The following ZNF608 variants were observed in gnomAD, a reference collection of about 807,000 sequenced individuals.
ZNF608 encodes the protein renal carcinoma antigen NY-REN-36.
In ZNF608, 12 loss-of-function variants were observed where a neutral mutation model predicts 109.0. That is an observed-to-expected ratio of 0.11 (90% CI 0.07 to 0.18). ZNF608 has a LOEUF of 0.18. Ranked by LOEUF, ZNF608 falls within the 10% of genes least tolerant of loss-of-function variation. ZNF608 has a pLI of 1.00. For missense variants in ZNF608, 1,707 were observed against 1,879.3 expected, an observed-to-expected ratio of 0.91 and a Z score of 1.70; for synonymous variants, 732 against 717.4, an observed-to-expected ratio of 1.02 and a Z score of -0.33.
At chr5:124,651,844 C>A (rs1296510862) in intron 3 of ZNF608, among the ~76,000 whole-genome samples, 1 of 152,232 alleles carries the variant, frequency 6.6e-6, no homozygotes, top group Non-Finnish European at 1.5e-5. Context: ...GGCAAAGGGA[C>A]GCATCCCCCA....
intron 3 of ZNF608, among the ~76,000 whole-genome samples, chr5:124,695,872 ATC>A (rs1752827335): frequency 6.6e-6 from 1 of 151,858 alleles, no homozygotes; most frequent in Non-Finnish European, 1.5e-5. Flanking sequence ...ATTTTAGAAC[ATC>A]TCTGGTGATT....
intron 2 of ZNF608, among the ~76,000 whole-genome samples, chr5:124,740,027 C>G (rs777903430): frequency 1.3e-5 from 2 of 152,160 alleles, no homozygotes; most frequent in African/African-American, 2.4e-5. Context: ...CTTAACCTCA[C>G]GACATTTGGA....
intron 2 of ZNF608, among the ~76,000 whole-genome samples, chr5:124,708,532 G>T (rs753677402): frequency 2.0e-5 from 3 of 152,174 alleles, no homozygotes; most frequent in Non-Finnish European, 4.4e-5. Flanking sequence ...CCATAGTTCA[G>T]AATAGTGAAT....
intron 2 of ZNF608, chr5:124,734,824 C>T (rs916582810): frequency 7.2e-5 from 11 of 152,332 alleles, no homozygotes; most frequent in African/African-American, 2.6e-4. Context: ...GGAAATGTGT[C>T]TGTATATTTC....
chr5:124,645,387 G>C (rs916782742), intron 5 of ZNF608, among the ~76,000 whole-genome samples: 2 of 152,198 alleles, frequency 1.3e-5, no homozygotes, highest in African/African-American at 4.8e-5. Context: ...TGTAAGTGGG[G>C]AAACTGAGAA....
At chr5:124,712,711 G>A (rs1331668345) in intron 2 of ZNF608, among the ~76,000 whole-genome samples, 2 of 152,136 alleles carry the variant, frequency 1.3e-5, no homozygotes, top group Non-Finnish European at 2.9e-5. Flanking sequence ...TTTCCCTCCA[G>A]CTACCAGAAG....
intron 2 of ZNF608, among the ~76,000 whole-genome samples, chr5:124,712,841 AT>A (rs1407811347): frequency 6.6e-6 from 1 of 152,152 alleles, no homozygotes; most frequent in East Asian, 1.9e-4. Flanking sequence ...TTTTGTTTCA[AT>A]TTAGGTGAAA....
At chr5:124,693,637 G>A (rs1292361119) in intron 3 of ZNF608, among the ~76,000 whole-genome samples, 1 of 152,052 alleles carries the variant, frequency 6.6e-6, no homozygotes, top group Non-Finnish European at 1.5e-5. Context: ...ACAAATATTT[G>A]ATCTAAAAAC....
chr5:124,712,698 T>C (rs1289316271), intron 2 of ZNF608, among the ~76,000 whole-genome samples: 4 of 152,136 alleles, frequency 2.6e-5, no homozygotes, highest in Non-Finnish European at 5.9e-5. Flanking sequence ...CCAGGGTCCC[T>C]GCTTTCCCTC....
intron 2 of ZNF608, among the ~76,000 whole-genome samples, chr5:124,705,867 T>C (rs998297393): frequency 1.6e-4 from 25 of 152,210 alleles, no homozygotes; most frequent in African/African-American, 5.8e-4. Context: ...TCTCATGCAC[T>C]GCTGCCCTAA....
chr5:124,733,850 C>A (rs1749021902), intron 2 of ZNF608, among the ~76,000 whole-genome samples: 1 of 151,906 alleles, frequency 6.6e-6, no homozygotes, highest in Non-Finnish European at 1.5e-5. Context: ...TTTTAGAAAA[C>A]CATTTAAATA....
At chr5:124,745,795 C>T (rs1749618581) in intron 1 of ZNF608, among the ~76,000 whole-genome samples, 1 of 152,154 alleles carries the variant, frequency 6.6e-6, no homozygotes, top group South Asian at 2.1e-4. Flanking sequence ...CACATACCTC[C>T]CTCCTATCCT....
intron 2 of ZNF608, among the ~76,000 whole-genome samples, chr5:124,735,764 G>A (rs373745390): frequency 3.5e-4 from 54 of 152,204 alleles, no homozygotes; most frequent in African/African-American, 1.3e-3. Context: ...TTGACCAAAT[G>A]GAGTTGGATG....
chr5:124,651,790 C>T (rs1309275215), intron 3 of ZNF608, among the ~76,000 whole-genome samples: 4 of 152,358 alleles, frequency 2.6e-5, no homozygotes, highest in South Asian at 4.1e-4. Flanking sequence ...AGGCGGCCGC[C>T]CGGAGCACAG....
intron 3 of ZNF608, among the ~76,000 whole-genome samples, chr5:124,661,360 A>G (rs1057513070): frequency 2.6e-5 from 4 of 152,140 alleles, no homozygotes; most frequent in Non-Finnish European, 5.9e-5. Flanking sequence ...TGGACAGAGC[A>G]GGTTAAACAT....
intron 2 of ZNF608, among the ~76,000 whole-genome samples, chr5:124,721,060 T>C (rs1753882905): frequency 6.6e-6 from 1 of 152,164 alleles, no homozygotes; most frequent in Non-Finnish European, 1.5e-5. Context: ...GCCATGACAG[T>C]TTGTTATTCT....
Position 124,744,853 on chromosome 5 carries a change from T to C in ZNF608, c.137A>G (p.Gln46Arg). The C allele has an allele frequency of 6.2e-7, 1 of 1,614,226 alleles. No homozygotes were observed. Among genetic ancestry groups the C allele is most frequent in the Non-Finnish European group, 8.5e-7 (1 of 1,180,040 alleles). ...DLDADLEKDR[Q>R]KFEMNNSTTT... ...GGTGGAATTATTCATCTCAAATTTCTGTCTGTCCTTCTCCAAATCAGCGTC... is the reference window on the plus strand; with the variant it reads ...GGTGGAATTATTCATCTCAAATTTCCGTCTGTCCTTCTCCAAATCAGCGTC... Residue 46 changes from glutamine (Q) to arginine (R), a missense_variant, in exon 2 of 10, where the codon CAG becomes CGG. Transcript: ENST00000513986. The surrounding 1 kb of genome is among the most constrained non-coding windows in gnomAD (Gnocchi z 4.5).
intron 3 of ZNF608, among the ~76,000 whole-genome samples, chr5:124,693,985 T>TTTTTTTGTTTTTTG (rs1752728931): frequency 9.6e-6 from 1 of 103,868 alleles, no homozygotes; most frequent in African/African-American, 3.8e-5. Context: ...TTTTTTTTTT[T>TTTTTTTGTTTTTTG]TTTTTTTTGA....
intron 3 of ZNF608, among the ~76,000 whole-genome samples, chr5:124,700,600 C>T (rs1179543691): frequency 6.6e-6 from 1 of 152,224 alleles, no homozygotes; most frequent in Non-Finnish European, 1.5e-5. Flanking sequence ...AGAACCTTGG[C>T]TCAATTCAGA....
Sources: gnomAD v4.1 joint callset for allele counts (sites outside exome capture counted in the v4.1 genomes callset) on GRCh38, gnomAD v4.1.1 for gene constraint, Gnocchi (gnomAD v3.1) non-coding constraint, MANE v1.5 for transcripts, NCBI Gene and HGNC (gene_info 2026-07-23, HGNC 2026-07-21) for gene names.